WDR90: variants seen among roughly 807,000 people sequenced by gnomAD.
The protein encoded by WDR90 is WD repeat-containing protein 90.
In WDR90, 238 loss-of-function variants were observed where a neutral mutation model predicts 195.2. That is an observed-to-expected ratio of 1.22 (90% CI 1.10 to 1.36). The LOEUF is 1.36. Ranked by LOEUF, WDR90 falls within the 40% of genes most tolerant of loss-of-function variation. The pLI, the probability that WDR90 is intolerant of heterozygous loss-of-function variation, is 0.00. For missense variants in WDR90, 2,734 were observed against 2,439.5 expected, an observed-to-expected ratio of 1.12 and a Z score of -2.54; for synonymous variants, 1,265 against 1,052.4, an observed-to-expected ratio of 1.20 and a Z score of -3.91.
At chr16:661,240 C>G (rs1434798675) in intron 29 of WDR90, 68 bp downstream of exon 29, 5 of 1,521,072 alleles carry the variant, frequency 3.3e-6, no homozygotes, top group African/African-American at 2.8e-5. Context: ...GCTCCCGGAC[C>G]GGTGCGGGTT....
At chr16:661,003 C>T in intron 28 of WDR90, 48 bp from the exon 29 acceptor site, 3 of 94,710 alleles carry the variant, frequency 3.2e-5, no homozygotes, top group South Asian at 1.1e-4. Context: ...CCTCCCCGCC[C>T]CCCCCCCCCC....
At position 651,255 on chromosome 16, in the gene WDR90, C is replaced by T. The variant is rs2037641171; in HGVS notation, c.725C>T (p.Pro242Leu). ...PSKPIEKSCS[P>L]PEAVLLGPGP... ...AAGCCGATTGAGAAGAGCTGTTCCC[C>T]TCCTGAGGCAGGTGGGTCTGGGGGG... The change falls in exon 7 of 41, where the codon CCT (proline) becomes CTT (leucine). Residue 242 changes from proline (P) to leucine (L), a missense_variant. Coordinates refer to ENST00000293879, the MANE Select transcript of WDR90 (RefSeq NM_145294.5). The T allele has an allele frequency of 6.2e-7, 1 of 1,613,156 alleles. No individual in the cohort carries two copies. The highest frequency in any genetic ancestry group is 1.7e-5 in the Admixed American group (1 of 60,020).
intron 9 of WDR90, 174 bp from the exon 10 acceptor site, chr16:652,293 G>C: frequency 1.2e-6 from 1 of 853,350 alleles, no homozygotes; most frequent in Non-Finnish European, 1.8e-6. Flanking sequence ...AGGTCTGGCA[G>C]TGCAACTGGA....
At chr16:659,575 C>G (rs986189249) in intron 26 of WDR90, among the ~76,000 whole-genome samples, 199 bp downstream of exon 26, 1 of 152,062 alleles carries the variant, frequency 6.6e-6, no homozygotes. Flanking sequence ...ACGGTGGGGT[C>G]GGGATGGGGG....
chr16:666,908 G>T lies in WDR90; in HGVS notation c.5008G>T (p.Val1670Leu), dbSNP rs749583527. 3 of 1,613,044 alleles carry T rather than the reference G, an allele frequency of 1.9e-6. No individual in the cohort carries two copies. Among genetic ancestry groups the T allele is most frequent in the Non-Finnish European group, 2.5e-6 (3 of 1,179,920 alleles). ...IIYNLCQKQV[V>L]EKIPLPFFAM... ...GCCTCACGCTGGCTGCTCACAGGTG[G>T]TGGAGAAGATACCACTGCCCTTTTT... is the stretch of plus-strand genomic sequence containing the variant. The change falls in exon 40 of 41, where the codon GTG (valine) becomes TTG (leucine). Residue 1670 changes from valine (V) to leucine (L), a missense_variant. Val to Leu is a conservative substitution (Grantham distance 32). Coordinates refer to ENST00000293879, the MANE Select transcript of WDR90 (RefSeq NM_145294.5).
Position 667,648 on chromosome 16 carries a change from C to A in WDR90, c.*59C>A. 6.3e-7 allele frequency: 1 copy of A among 1,593,950 alleles called. No homozygotes were observed. The highest frequency in any genetic ancestry group is 8.5e-7 in the Non-Finnish European group (1 of 1,177,266). ...CCTGGTCATGCCAGGCACCTGGACA[C>A]AGGCTTGGCAGAGGCGCCAGGTTGT... On this transcript the variant is annotated 3_prime_UTR_variant, in exon 41 of 41. Transcript: ENST00000293879.
At chr16:658,014 G>T in intron 21 of WDR90, 122 bp downstream of exon 21, 3 of 1,455,590 alleles carry the variant, frequency 2.1e-6, no homozygotes, top group African/African-American at 1.4e-5. Flanking sequence ...TCCTGTCGCA[G>T]AGTACACATC....
At chr16:662,436 G>C (rs2037937226) in intron 33 of WDR90, 105 bp downstream of exon 33, 2 of 1,395,098 alleles carry the variant, frequency 1.4e-6, no homozygotes, top group Non-Finnish European at 9.7e-7. Context: ...CCTGCAGACC[G>C]GCCGCCTGCT....
intron 39 of WDR90, 45 bp downstream of exon 39, chr16:666,837 G>C: frequency 1.2e-6 from 2 of 1,612,856 alleles, no homozygotes; most frequent in South Asian, 1.1e-5. Context: ...CAGGGATCCA[G>C]GGTGGTGGGT....
chr16:655,605 A>T lies in WDR90; in HGVS notation c.1751A>T (p.Glu584Val). 1 of 1,606,330 alleles carries T rather than the reference A, an allele frequency of 6.2e-7. No homozygotes were observed. Among genetic ancestry groups the T allele is most frequent in the South Asian group, 1.1e-5 (1 of 90,644 alleles). Residue 584 changes from glutamate to valine, a missense_variant, in exon 16 of 41, where the codon GAG becomes GTG. Transcript: ENST00000293879. ...FVCSRSGHIL[E>V]IDCQRMVVRH... ...TGCAGCCGCAGTGGCCACATCTTGG[A>T]GATTGACTGTCAGCGCATGGTCGTG...
At chr16:659,215 C>T in intron 25 of WDR90, 30 bp from the exon 26 acceptor site, 1 of 1,610,790 alleles carries the variant, frequency 6.2e-7, no homozygotes. Context: ...CTCTTCCTTC[C>T]CAAACATCAC....
chr16:666,426 C>T (rs764445102), intron 37 of WDR90, 29 bp from the exon 38 acceptor site: 11 of 1,608,246 alleles, frequency 6.8e-6, no homozygotes, highest in Middle Eastern at 1.6e-4. Flanking sequence ...CAGAAGGCAC[C>T]TGTCGGCCCT....
At chr16:650,900 G>A (rs1293177276) in intron 5 of WDR90, 95 bp from the exon 6 acceptor site, 1 of 1,514,668 alleles carries the variant, frequency 6.6e-7, no homozygotes, top group Non-Finnish European at 9.1e-7. Flanking sequence ...GTGGGGCGGT[G>A]GCTGGGCTGG....
chr16:653,330 C>T lies in WDR90; in HGVS notation c.1123-11C>T. 6.6e-7 allele frequency: 1 copy of T among 1,522,818 alleles called. No homozygotes were observed. The highest frequency in any genetic ancestry group is 8.8e-7 in the Non-Finnish European group (1 of 1,136,262). The allele number at this position is 1,522,818 out of a possible 1,614,324, so 94.3% of individuals were successfully genotyped here. On this transcript the variant is annotated splice_polypyrimidine_tract_variant and intron_variant, in intron 10 of 40. Coordinates refer to ENST00000293879, the MANE Select transcript of WDR90 (RefSeq NM_145294.5). Reference sequence around the variant, plus strand: ...AGCACCGGTCCTCAGCCCCCCGCCCCCTTGTGCCAGGCCCTGTGGACCCCA... The same window carrying T: ...AGCACCGGTCCTCAGCCCCCCGCCCTCTTGTGCCAGGCCCTGTGGACCCCA...
rs201520878 is a variant in WDR90, at chr16:651,834, G to A, written c.848G>A (p.Arg283Gln). The change falls in exon 9 of 41, where the codon CGG becomes CAG. Residue 283 changes from arginine (R) to glutamine (Q), a missense_variant. Physicochemically the swap from Arg to Gln is conservative, Grantham distance 43 (BLOSUM62 1). Coordinates refer to ENST00000293879, the MANE Select transcript of WDR90 (RefSeq NM_145294.5). ...GCACTTGTCCCCCAGCAGTCCGGCC[G>A]GGCCGCCTTGGCACCCAGGCCCTTC... Reference protein sequence around the residue: ...VQTPSPTASGRAALAPRPFPE... With the variant: ...VQTPSPTASGQAALAPRPFPE... 38 of 1,610,230 alleles carry A rather than the reference G, an allele frequency of 2.4e-5. No individual in the cohort carries two copies. The highest frequency in any genetic ancestry group is 2.1e-4 in the South Asian group (19 of 91,048).
intron 26 of WDR90, 115 bp downstream of exon 26, chr16:659,491 C>A: frequency 7.2e-7 from 1 of 1,383,914 alleles, no homozygotes; most frequent in South Asian, 1.3e-5. Flanking sequence ...GCCATCGCTG[C>A]TCATCAGGTG....
intron 27 of WDR90, 66 bp downstream of exon 27, chr16:660,227 C>A: frequency 7.3e-7 from 1 of 1,373,964 alleles, no homozygotes. Flanking sequence ...GCAGGGCTCC[C>A]CAGCACCTCC....
chr16:653,941 C>T (rs1453812614), intron 13 of WDR90, 138 bp downstream of exon 13: 1 of 1,110,494 alleles, frequency 9.0e-7, no homozygotes, highest in Non-Finnish European at 1.3e-6. Flanking sequence ...GTGGGGCTCC[C>T]TGCACTCTGG....
In WDR90 at chr16:659,289, G is replaced by A. The variant is rs1174610004; in HGVS notation, c.3097G>A (p.Glu1033Lys). 10 of 1,604,380 alleles carry A rather than the reference G, an allele frequency of 6.2e-6. No homozygotes were observed. Among genetic ancestry groups the A allele is most frequent in the East Asian group, 4.5e-5 (2 of 44,310 alleles). The change falls in exon 26 of 41, where the codon GAG (glutamate) becomes AAG (lysine). Residue 1033 changes from glutamate (E) to lysine (K), a missense_variant. Coordinates refer to ENST00000293879, the MANE Select transcript of WDR90 (RefSeq NM_145294.5). Reference sequence around the variant, plus strand: ...GGAGGACGCAGCGTCCAGGGCCAGCGAGCTCCCCCGGCAGCAGGTCCCCAA... The same window carrying A: ...GGAGGACGCAGCGTCCAGGGCCAGCAAGCTCCCCCGGCAGCAGGTCCCCAA... ...PLEDAASRASELPRQQVPKPC... is the reference protein window; with the variant it reads ...PLEDAASRASKLPRQQVPKPC...
Sources: allele counts gnomAD v4.1 joint callset (sites outside exome capture counted in the v4.1 genomes callset), GRCh38; gene constraint gnomAD v4.1.1; transcripts MANE v1.5; gene names NCBI Gene and HGNC (gene_info 2026-07-23, HGNC 2026-07-21).